Variants in PCDH15 observed in about 807,000 individuals in gnomAD.
PCDH15 encodes the protein protocadherin-15.
In PCDH15, 129 loss-of-function variants were observed where a neutral mutation model predicts 178.5. The ratio of observed to expected loss-of-function variants is 0.72; its 90% CI spans 0.63 to 0.84. The LOEUF (loss-of-function observed/expected upper bound fraction) is 0.84. Among genes scored for constraint, PCDH15 ranks in the 40% least tolerant of loss-of-function variants. The pLI is 0.00. For missense variants in PCDH15, 2,230 were observed against 2,099.9 expected (o/e 1.06, Z -1.21); for synonymous variants, 800 against 732.0 (o/e 1.09, Z -1.50).
At chr10:54,232,753 A>G (rs544912447) in intron 9 of PCDH15, among the ~76,000 whole-genome samples, 3 of 151,950 alleles carry the variant, frequency 2.0e-5, no homozygotes, top group African/African-American at 4.8e-5. Context: ...AGTAAATTGC[A>G]TCTTATCTCT....
chr10:54,516,720 A>T (rs1329454393), intron 3 of PCDH15, among the ~76,000 whole-genome samples: 3 of 151,548 alleles, frequency 2.0e-5, no homozygotes, highest in Admixed American at 2.0e-4. Context: ...CGCCACAAAG[A>T]TACTCCTCGA....
At chr10:55,397,553 G>A (rs1466434427) in intron 2 of PCDH15, among the ~76,000 whole-genome samples, 2 of 151,860 alleles carry the variant, frequency 1.3e-5, no homozygotes, top group Non-Finnish European at 2.9e-5. Context: ...CTTCATTTGT[G>A]TTTCTGTGTT....
chr10:53,923,163 G>C (rs1319357680), intron 25 of PCDH15, among the ~76,000 whole-genome samples: 1 of 152,220 alleles, frequency 6.6e-6, no homozygotes, highest in Non-Finnish European at 1.5e-5. Flanking sequence ...AGCATATGCT[G>C]TAAGTAAATA....
intron 2 of PCDH15, among the ~76,000 whole-genome samples, chr10:55,035,862 TTTTTTTTATAA>T (rs1437333076): frequency 6.6e-6 from 1 of 151,970 alleles, no homozygotes; most frequent in East Asian, 1.9e-4. Flanking sequence ...GAATGTCCAA[TTTTTTTTATAA>T]TACTTTGGTC....
intron 14 of PCDH15, among the ~76,000 whole-genome samples, chr10:54,143,274 G>A (rs563207877): frequency 2.6e-5 from 4 of 152,060 alleles, no homozygotes; most frequent in Non-Finnish European, 5.9e-5. Context: ...AATATAAGTT[G>A]TCAGTAATAA....
intron 1 of PCDH15, among the ~76,000 whole-genome samples, chr10:55,202,578 C>A (rs1179833525): frequency 6.6e-6 from 1 of 152,042 alleles, no homozygotes; most frequent in Non-Finnish European, 1.5e-5. Flanking sequence ...GGGGAGAAGG[C>A]AAGTTTGAAA....
At chr10:54,136,717 T>G (rs975774876) in intron 14 of PCDH15, among the ~76,000 whole-genome samples, 2 of 152,168 alleles carry the variant, frequency 1.3e-5, no homozygotes, top group African/African-American at 4.8e-5. Context: ...TCGAAAACTT[T>G]AAAATGCTGA....
Position 53,806,530 on chromosome 10 carries a change from T to A in PCDH15, c.*49A>T. 7.1e-7 allele frequency: 1 copy of A among 1,408,308 alleles called. No individual in the cohort carries two copies. Among genetic ancestry groups the A allele is most frequent in the Non-Finnish European group, 9.6e-7 (1 of 1,040,146 alleles). 87.2% of individuals were successfully genotyped at this position (1,408,308 alleles called of 1,614,324 possible). ...CTCAGTGACAATAAAAAGCACAGTT[T>A]ATTAAAAATGTAAGTAAAAATTAAT... On this transcript the variant is annotated 3_prime_UTR_variant, in exon 38 of 38. Transcript: ENST00000644397.
chr10:54,735,854 T>C (rs1944039605), intron 1 of PCDH15, among the ~76,000 whole-genome samples: 1 of 102,396 alleles, frequency 9.8e-6, no homozygotes, highest in Non-Finnish European at 2.0e-5. Flanking sequence ...TATCACACTC[T>C]GGGGACTGTT....
intron 2 of PCDH15, among the ~76,000 whole-genome samples, chr10:55,067,064 A>G (rs1383714909): frequency 6.6e-6 from 1 of 152,110 alleles, no homozygotes; most frequent in South Asian, 2.1e-4. Context: ...AAGAAAAGAG[A>G]GACATGAAAG....
chr10:53,967,480 C>T (rs2089164692), intron 21 of PCDH15, among the ~76,000 whole-genome samples: 1 of 152,144 alleles, frequency 6.6e-6, no homozygotes. Context: ...TTATGTTGCC[C>T]AGGTTGGTCC....
In PCDH15 at chr10:55,515,930, T is replaced by C. The variant is rs186836816; in HGVS notation, c.-156+111695A>G. On this transcript the variant is annotated intron_variant, in intron 2 of 5. Transcript: ENST00000613346. ...CCTTTGTTAGTTTGTGTTGTAGGAA[T>C]TCAGATTTCCAAAGTACTGAGAAAT... Among the ~76,000 whole-genome samples, 98 of 152,304 alleles carry C rather than the reference T, an allele frequency of 6.4e-4. 1 individual carries two copies. Among genetic ancestry groups the C allele is most frequent in the Non-Finnish European group, 1.2e-3 (80 of 68,026 alleles).
intron 3 of PCDH15, among the ~76,000 whole-genome samples, chr10:54,425,624 A>G (rs1327477063): frequency 2.0e-5 from 3 of 152,176 alleles, no homozygotes; most frequent in African/African-American, 7.2e-5. Context: ...TTATAGATTC[A>G]AAATAATTTC....
chr10:54,115,013 C>T lies in PCDH15; in HGVS notation c.1917+17862G>A, dbSNP rs142081364. ...AAAAGTATTATTCTGTTGCCTGCAA[C>T]TGACCACAAAAGGGCAGGGCGGTGG... On this transcript the variant is annotated intron_variant, in intron 15 of 37. Coordinates refer to ENST00000644397, the MANE Select transcript of PCDH15 (RefSeq NM_001384140.1). 5.1e-3 allele frequency among the ~76,000 whole-genome samples: 780 copies of T among 152,246 alleles called. 5 individuals are homozygous for T. Among genetic ancestry groups the T allele is most frequent in the African/African-American group, 0.018 (742 of 41,560 alleles).
intron 3 of PCDH15, among the ~76,000 whole-genome samples, chr10:54,464,200 A>G (rs376034119): frequency 6.6e-6 from 1 of 152,156 alleles, no homozygotes; most frequent in South Asian, 2.1e-4. Flanking sequence ...CGTGGTTGAA[A>G]TTTAGTCTCT....
At chr10:55,508,057 C>T (rs530611042) in intron 2 of PCDH15, among the ~76,000 whole-genome samples, 8 of 151,536 alleles carry the variant, frequency 5.3e-5, no homozygotes, top group African/African-American at 1.7e-4. Flanking sequence ...AAAAACATCC[C>T]GGACACTTAT....
chr10:54,870,552 G>A (rs547562354), intron 3 of PCDH15, among the ~76,000 whole-genome samples: 60 of 152,244 alleles, frequency 3.9e-4, no homozygotes, highest in African/African-American at 1.4e-3. Context: ...TCAGGAGGCC[G>A]AGGTGGGCGG....
At chr10:53,810,526 T>C in intron 37 of PCDH15, 30 bp downstream of exon 37, 1 of 1,583,918 alleles carries the variant, frequency 6.3e-7, no homozygotes, top group Non-Finnish European at 8.7e-7. Flanking sequence ...CTTGGAATAT[T>C]ATCTTACATA....
intron 16 of PCDH15, among the ~76,000 whole-genome samples, chr10:54,087,402 G>A (rs920598541): frequency 1.3e-5 from 2 of 151,932 alleles, no homozygotes; most frequent in Admixed American, 1.3e-4. Flanking sequence ...AATATAATAC[G>A]TGCTCTTTTT....
Sources: gnomAD v4.1 joint callset for allele counts (sites outside exome capture counted in the v4.1 genomes callset) on GRCh38, gnomAD v4.1.1 for gene constraint, MANE v1.5 for transcripts, NCBI Gene and HGNC (gene_info 2026-07-23, HGNC 2026-07-21) for gene names.